CR1: variants seen among roughly 807,000 people sequenced by gnomAD.
CR1 encodes the protein complement C3b/C4b receptor 1 (Knops blood group).
CR1 carries 116 observed loss-of-function variants against 187.3 expected under a neutral mutation model. The observed-to-expected ratio is 0.62, with a 90% confidence interval of 0.53 to 0.72. The LOEUF (loss-of-function observed/expected upper bound fraction) is 0.72, where lower values mean the gene tolerates loss of function less well. Ranked by LOEUF, CR1 falls within the 30% of genes least tolerant of loss-of-function variation. The pLI, the probability that CR1 is intolerant of heterozygous loss-of-function variation, is 0.00. For synonymous variants in CR1, 576 were observed against 747.1 expected (o/e 0.77, Z 3.73); for missense variants, 1,731 against 2,110.7 (o/e 0.82, Z 3.52).
intron 2 of CR1, 34 bp downstream of exon 2, chr1:207,506,117 G>A (rs770806993): frequency 1.9e-6 from 3 of 1,602,642 alleles, no homozygotes; most frequent in South Asian, 1.1e-5. Flanking sequence ...CCCCCTGTTA[G>A]TCAAACATCT....
intron 24 of CR1, among the ~76,000 whole-genome samples, chr1:207,567,265 G>GT (rs199637674): frequency 0.28 from 39,066 of 137,948 alleles, 6,359 homozygotes; most frequent in Non-Finnish European, 0.33. Context: ...TCCATTTGGA[G>GT]TTTTTTTTTT....
At position 207,622,533 on chromosome 1, in the gene CR1, C is replaced by G. The variant is rs1662343420; in HGVS notation, c.7277-460C>G. Reference sequence around the variant, plus strand: ...GACACAGAGAGTTAACGTAACTTGTCCAAGACCACAGAATGGGGTAGCCTG... The same window carrying G: ...GACACAGAGAGTTAACGTAACTTGTGCAAGACCACAGAATGGGGTAGCCTG... On this transcript the variant is annotated intron_variant, in intron 44 of 46. Transcript: ENST00000367049. 2.0e-5 allele frequency among the ~76,000 whole-genome samples: 3 copies of G among 152,182 alleles called. No homozygotes were observed. The South Asian group carries it at 6.2e-4, about 32-fold the overall frequency.
At chr1:207,525,605 T>C (rs1478967270) in intron 5 of CR1, among the ~76,000 whole-genome samples, 1 of 151,976 alleles carries the variant, frequency 6.6e-6, no homozygotes, top group Non-Finnish European at 1.5e-5. Context: ...CATCCTGCTT[T>C]TTAATTTGGT....
intron 1 of CR1, 32 bp from the exon 2 acceptor site, chr1:207,505,872 A>G (rs751506390): frequency 6.3e-7 from 1 of 1,575,230 alleles, no homozygotes; most frequent in East Asian, 2.3e-5. Context: ...TTTCTCCATT[A>G]ACTTTGATGC....
At chr1:207,579,468 C>G (rs891658225) in intron 29 of CR1, among the ~76,000 whole-genome samples, 8 of 152,102 alleles carry the variant, frequency 5.3e-5, no homozygotes, top group Non-Finnish European at 4.4e-5. Context: ...CTGGCCCAGA[C>G]AGGATGAAGT....
At chr1:207,566,977 A>T (rs1247107062) in intron 24 of CR1, among the ~76,000 whole-genome samples, 2 of 150,350 alleles carry the variant, frequency 1.3e-5, no homozygotes, top group Admixed American at 1.3e-4. Flanking sequence ...TGCTCCTTGA[A>T]GCAGTATGAC....
chr1:207,622,539 C>A (rs116700529), intron 44 of CR1, among the ~76,000 whole-genome samples: 2 of 152,322 alleles, frequency 1.3e-5, no homozygotes, highest in Non-Finnish European at 2.9e-5. Flanking sequence ...TTGTCCAAGA[C>A]CACAGAATGG....
In CR1 at chr1:207,513,456, G is replaced by A. The variant is rs1187288147; in HGVS notation, c.487+1802G>A. 3.9e-5 allele frequency among the ~76,000 whole-genome samples: 6 copies of A among 152,134 alleles called. No homozygotes were observed. In the South Asian group the frequency reaches 6.2e-4, roughly 16 times the overall value. ...GTATTTCTCAAGCCTCTGGTAAAAGGTCTGTCTTCTGAACCCTCTACTCCT... is the reference window on the plus strand; with the variant it reads ...GTATTTCTCAAGCCTCTGGTAAAAGATCTGTCTTCTGAACCCTCTACTCCT... On this transcript the variant is annotated intron_variant, in intron 4 of 46. Coordinates refer to ENST00000367049, the MANE Select transcript of CR1 (RefSeq NM_000651.6).
chr1:207,614,331 C>T (rs772088269), intron 39 of CR1, 73 bp from the exon 40 acceptor site: 7 of 1,158,464 alleles, frequency 6.0e-6, no homozygotes, highest in Middle Eastern at 4.0e-4. Flanking sequence ...GGAAGCTGAG[C>T]ATCTATTAGC....
At chr1:207,513,075 A>T (rs1021001395) in intron 4 of CR1, among the ~76,000 whole-genome samples, 1 of 152,228 alleles carries the variant, frequency 6.6e-6, no homozygotes, top group Non-Finnish European at 1.5e-5. Context: ...CTTTTGCAAT[A>T]ATTCAAGTCA....
chr1:207,618,666 A>G (rs942942673), intron 42 of CR1, among the ~76,000 whole-genome samples: 4 of 152,194 alleles, frequency 2.6e-5, no homozygotes, highest in African/African-American at 9.7e-5. Flanking sequence ...TGAGACTATT[A>G]CAACTGAAAA....
In CR1 at chr1:207,502,907, G is replaced by A. The variant is rs141180679; in HGVS notation, c.122-2997G>A. ...TGAGAAGTCCCAGGCTGAATCCGGGGCACATTCACTCAGGAGAGCTGAGGT... is the reference window on the plus strand; with the variant it reads ...TGAGAAGTCCCAGGCTGAATCCGGGACACATTCACTCAGGAGAGCTGAGGT... On this transcript the variant is annotated intron_variant, in intron 1 of 46. Transcript: ENST00000367049. Among the ~76,000 whole-genome samples, 69 of 152,280 alleles carry A rather than the reference G, an allele frequency of 4.5e-4. 1 individual carries two copies. The highest frequency in any genetic ancestry group is 1.6e-3 in the African/African-American group (68 of 41,540).
rs1334382663 is a variant in CR1 at position 207,639,384 on chromosome 1, C to G, written c.7458-13C>G. ...CATGCTGTTAATTAAATGAAAACAT[C>G]CTGTTATTTCAGGGTCCTTCCTTGA... is the stretch of plus-strand genomic sequence containing the variant. On this transcript the variant is annotated splice_polypyrimidine_tract_variant and intron_variant, in intron 46 of 46. Transcript: ENST00000367049. The G allele has an allele frequency of 6.3e-7, 1 of 1,596,942 alleles. No homozygotes were observed. The highest frequency in any genetic ancestry group is 1.1e-5 in the South Asian group (1 of 88,188).
intron 29 of CR1, among the ~76,000 whole-genome samples, chr1:207,579,099 C>A (rs1468440936): frequency 3.3e-5 from 5 of 152,206 alleles, no homozygotes; most frequent in Non-Finnish European, 7.3e-5. Flanking sequence ...AAAATGGGTT[C>A]TGATGCCCTA....
chr1:207,598,775 C>T (rs115270542), intron 35 of CR1: 3,257 of 152,318 alleles, frequency 0.021, 64 homozygotes, highest in Non-Finnish European at 0.029. Flanking sequence ...ATACATAAAA[C>T]AAATACTGAT....
chr1:207,592,493 G>A (rs929593549), intron 35 of CR1, among the ~76,000 whole-genome samples: 13 of 152,134 alleles, frequency 8.5e-5, no homozygotes, highest in African/African-American at 3.1e-4. Context: ...ATATCATACT[G>A]AATGGGCAAA....
intron 4 of CR1, among the ~76,000 whole-genome samples, chr1:207,520,968 G>GTTTTTTTTTTTTTTT (rs141546660): frequency 4.5e-5 from 2 of 44,568 alleles, no homozygotes; most frequent in Non-Finnish European, 7.6e-5. Context: ...TTTTTTGGTT[G>GTTTTTTTTTTTTTTT]TTTTTTTTTT....
At chr1:207,567,528 T>C (rs1428740738) in intron 24 of CR1, among the ~76,000 whole-genome samples, 11 of 150,434 alleles carry the variant, frequency 7.3e-5, no homozygotes, top group Admixed American at 4.6e-4. Context: ...AATGAATAAA[T>C]AACCCTTCAA....
chr1:207,514,994 TACACACACACACAC>T (rs369482432), intron 4 of CR1, among the ~76,000 whole-genome samples: 1 of 119,566 alleles, frequency 8.4e-6, no homozygotes, highest in Non-Finnish European at 1.8e-5. Flanking sequence ...TATATATATA[TACACACACACACAC>T]ACACACACAC....
Sources: gnomAD v4.1 joint callset for allele counts (sites outside exome capture counted in the v4.1 genomes callset) on GRCh38, gnomAD v4.1.1 for gene constraint, MANE v1.5 for transcripts, NCBI Gene and HGNC (gene_info 2026-07-23, HGNC 2026-07-21) for gene names.